The following ZNF823 variants were observed in gnomAD, a reference collection of about 807,000 sequenced individuals.
ZNF823 encodes the protein zinc finger protein 823.
ZNF823 carries 5 observed loss-of-function variants against 11.4 expected under a neutral mutation model. The observed-to-expected ratio is 0.44, with a 90% CI of 0.23 to 0.92. The LOEUF is 0.92. Ranked by LOEUF, ZNF823 falls within the 40% of genes least tolerant of loss-of-function variation. The pLI is 0.24. For synonymous variants in ZNF823, 234 were observed against 250.5 expected (o/e 0.93, Z 0.62); for missense variants, 582 against 738.5 (o/e 0.79, Z 2.46).
At chr19:11,732,044 T>G (rs1974906373) in intron 1 of ZNF823, among the ~76,000 whole-genome samples, 1 of 148,736 alleles carries the variant, frequency 6.7e-6, no homozygotes, top group African/African-American at 2.5e-5. Flanking sequence ...CTAAAATAAC[T>G]CATGAAACTC....
chr19:11,724,782 G>A (rs547291041), intron 2 of ZNF823, among the ~76,000 whole-genome samples: 1 of 151,540 alleles, frequency 6.6e-6, no homozygotes, highest in Non-Finnish European at 1.5e-5. Flanking sequence ...GGATGGTCTC[G>A]ATCTCCTGAC....
chr19:11,738,887 G>A lies in ZNF823; in HGVS notation c.-68C>T. The A allele has an allele frequency of 6.4e-7, 1 of 1,569,152 alleles. No individual in the cohort carries two copies. Among genetic ancestry groups the A allele is most frequent in the Non-Finnish European group, 8.6e-7 (1 of 1,157,688 alleles). ...TGTGGGTCCCAGCGCGACAGACGCT[G>A]ATACAGACCTTCCAGGGCGTCTCTC... On this transcript the variant is annotated 5_prime_UTR_variant, in exon 1 of 4. Coordinates refer to ENST00000341191, the MANE Select transcript of ZNF823 (RefSeq NM_001080493.4).
At chr19:11,737,502 T>TCCG (rs1427245330) in intron 1 of ZNF823, among the ~76,000 whole-genome samples, 1 of 151,282 alleles carries the variant, frequency 6.6e-6, no homozygotes, top group East Asian at 2.0e-4. Flanking sequence ...CCTCAGGTGA[T>TCCG]CCGCCAGCCT....
At chr19:11,723,613 T>G (rs1482815473) in intron 3 of ZNF823, among the ~76,000 whole-genome samples, 1 of 152,176 alleles carries the variant, frequency 6.6e-6, no homozygotes, top group Non-Finnish European at 1.5e-5. Context: ...TGGCACAGTC[T>G]CGGCTCACTG....
intron 1 of ZNF823, among the ~76,000 whole-genome samples, chr19:11,728,438 T>G (rs1974835137): frequency 6.6e-6 from 1 of 152,170 alleles, no homozygotes; most frequent in Non-Finnish European, 1.5e-5. Context: ...AGATACAAAT[T>G]TGTTTGAAAT....
chr19:11,736,724 G>A (rs1974998693), intron 1 of ZNF823, among the ~76,000 whole-genome samples: 1 of 152,198 alleles, frequency 6.6e-6, no homozygotes, highest in South Asian at 2.1e-4. Context: ...GGGAGGGGCT[G>A]ACTGGAACAC....
At chr19:11,736,887 C>T (rs1368418876) in intron 1 of ZNF823, among the ~76,000 whole-genome samples, 1 of 152,142 alleles carries the variant, frequency 6.6e-6, no homozygotes, top group Non-Finnish European at 1.5e-5. Flanking sequence ...GCCATGTGTC[C>T]CCAGGGAATG....
chr19:11,724,061 G>T (rs1599700771), intron 3 of ZNF823, 133 bp downstream of exon 3: 1 of 712,202 alleles, frequency 1.4e-6, no homozygotes, highest in Non-Finnish European at 2.2e-6. Context: ...CACTGTGCTT[G>T]GTCAGAAAAA....
chr19:11,738,941 G>C lies in ZNF823; in HGVS notation c.-122C>G. ...CAGCGCCAGAGCCAGGACTCAGAGCGCAGGGGCGTGGAGAAGACTCCGCGG... is the reference window on the plus strand; with the variant it reads ...CAGCGCCAGAGCCAGGACTCAGAGCCCAGGGGCGTGGAGAAGACTCCGCGG... On this transcript the variant is annotated 5_prime_UTR_variant, in exon 1 of 4. Coordinates refer to ENST00000341191, the MANE Select transcript of ZNF823 (RefSeq NM_001080493.4). 7.7e-7 allele frequency: 1 copy of C among 1,302,492 alleles called. No homozygotes were observed. Among genetic ancestry groups the C allele is most frequent in the Non-Finnish European group, 1.0e-6 (1 of 965,848 alleles). The allele number at this position is 1,302,492 out of a possible 1,614,324, so 80.7% of individuals were successfully genotyped here. A position where few individuals can be genotyped will look rare whatever the true frequency, so the allele number is the denominator to read the frequency against.
Position 11,722,429 on chromosome 19 carries a change from A to G in ZNF823, c.1105T>C (p.Leu369=). The part of the protein sequence containing the change: ...PYECKQCGKV[L]SHSSSFRSHM... ...CTTCGAAAGCTCGAGCTATGAGATA[A>G]CACTTTCCCACACTGCTTACATTCA... Residue 369 remains leucine, a synonymous_variant, in exon 4 of 4, where the codon TTA becomes CTA. Coordinates refer to ENST00000341191, the MANE Select transcript of ZNF823 (RefSeq NM_001080493.4). The surrounding 1 kb of genome is among the most constrained non-coding windows in gnomAD (Gnocchi z 5.2). 1 of 1,614,036 alleles carries G rather than the reference A, an allele frequency of 6.2e-7. No individual in the cohort carries two copies. The highest frequency in any genetic ancestry group is 8.5e-7 in the Non-Finnish European group (1 of 1,180,008).
intron 1 of ZNF823, among the ~76,000 whole-genome samples, chr19:11,725,588 G>A (rs564556179): frequency 4.7e-4 from 72 of 152,232 alleles, no homozygotes; most frequent in Middle Eastern, 3.4e-3. Flanking sequence ...TATTGCCTGC[G>A]TCACCCCTGA....
intron 1 of ZNF823, among the ~76,000 whole-genome samples, chr19:11,726,828 G>A (rs1568467785): frequency 6.6e-6 from 1 of 152,194 alleles, no homozygotes; most frequent in African/African-American, 2.4e-5. Context: ...TCTGGACACT[G>A]GATCACTACT....
chr19:11,738,307 G>A (rs1428243113), intron 1 of ZNF823, among the ~76,000 whole-genome samples: 6 of 152,298 alleles, frequency 3.9e-5, no homozygotes, highest in South Asian at 4.1e-4. Context: ...GCAGAATGCG[G>A]TTTCTTCACC....
At chr19:11,734,252 AAAG>A (rs1291072513) in intron 1 of ZNF823, among the ~76,000 whole-genome samples, 2 of 151,698 alleles carry the variant, frequency 1.3e-5, no homozygotes, top group African/African-American at 4.9e-5. Flanking sequence ...AAAAAAAAAA[AAAG>A]AAAGAAAGAA....
intron 1 of ZNF823, 52 bp downstream of exon 1, chr19:11,738,765 G>T: frequency 1.3e-6 from 2 of 1,587,382 alleles, no homozygotes; most frequent in East Asian, 2.3e-5. Context: ...GGTTCCGGCC[G>T]GTTCCAACCT....
At position 11,722,100 on chromosome 19, in the gene ZNF823, T is replaced by C. The variant is rs1203754790; in HGVS notation, c.1434A>G (p.Lys478=). The C allele has an allele frequency of 6.2e-7, 1 of 1,613,050 alleles. No individual in the cohort carries two copies. The highest frequency in any genetic ancestry group is 1.1e-5 in the South Asian group (1 of 90,834). Residue 478 remains lysine (K), a synonymous_variant, in exon 4 of 4, where the codon AAA becomes AAG. Transcript: ENST00000341191. This position sits in a 1 kb window ranked among gnomAD's most constrained non-coding sequence, Gnocchi z 5.2. The part of the protein sequence containing the change: ...EKPYECKECG[K]AFSCFKYLSQ... ...AAAGGTATTTGAAACAACTGAATGC[T>C]TTCCCACATTCCTTACACTCATATG...
chr19:11,732,220 A>G (rs1217574606), intron 1 of ZNF823, among the ~76,000 whole-genome samples: 3 of 139,446 alleles, frequency 2.2e-5, no homozygotes, highest in Admixed American at 7.9e-5. Flanking sequence ...GCTGGAGTGC[A>G]GTGGTATGAT....
chr19:11,731,042 G>A (rs564415579), intron 1 of ZNF823, among the ~76,000 whole-genome samples: 23 of 151,638 alleles, frequency 1.5e-4, no homozygotes, highest in Non-Finnish European at 2.7e-4. Context: ...GCCGGGTGAG[G>A]TGGCTCACGC....
At chr19:11,724,394 A>G (rs1028516648) in intron 2 of ZNF823, 140 bp from the exon 3 acceptor site, 3 of 697,476 alleles carry the variant, frequency 4.3e-6, no homozygotes, top group African/African-American at 3.6e-5. Context: ...TTTGAACTGC[A>G]CAGCTCCACT....
Sources: allele counts gnomAD v4.1 joint callset (sites outside exome capture counted in the v4.1 genomes callset), GRCh38; gene constraint gnomAD v4.1.1; non-coding constraint Gnocchi (gnomAD v3.1); transcripts MANE v1.5; gene names NCBI Gene and HGNC (gene_info 2026-07-23, HGNC 2026-07-21).